MMD2: variants seen among roughly 807,000 people sequenced by gnomAD.
The protein encoded by MMD2 is monocyte to macrophage differentiation associated 2.
MMD2 carries 30 observed loss-of-function variants against 33.5 expected under a neutral mutation model. That is an observed-to-expected ratio of 0.90 (90% confidence interval 0.67 to 1.22). The LOEUF (loss-of-function observed/expected upper bound fraction) is 1.22. MMD2 is among the 50% of genes most tolerant of loss of function. The pLI, the probability that MMD2 is intolerant of heterozygous loss-of-function variation, is 0.00. For synonymous variants in MMD2, 129 were observed against 123.0 expected, an observed-to-expected ratio of 1.05 and a Z score of -0.32; for missense variants, 364 against 325.4, an observed-to-expected ratio of 1.12 and a Z score of -0.91.
At position 4,952,100 on chromosome 7, in the gene MMD2, G is replaced by C. The variant is rs564694024; in HGVS notation, c.47+6871C>G. ...AGCTGTGGGTAGTGGACAAGCCAGG[G>C]ACGCCCACCACACGCCAGACCATGC... On this transcript the variant is annotated intron_variant, in intron 1 of 6. Coordinates refer to ENST00000401401, the MANE Select transcript of MMD2 (RefSeq NM_198403.4). Among the ~76,000 whole-genome samples, 6 of 152,340 alleles carry C rather than the reference G, an allele frequency of 3.9e-5. No homozygotes were observed. In the South Asian group the frequency reaches 1.2e-3, roughly 32 times the overall value.
At chr7:4,941,163 A>T (rs1478560509) in intron 1 of MMD2, among the ~76,000 whole-genome samples, 1 of 152,104 alleles carries the variant, frequency 6.6e-6, no homozygotes, top group Non-Finnish European at 1.5e-5. Flanking sequence ...CATGCCACAG[A>T]CACCAGCCCT....
At chr7:4,931,008 G>T (rs963975874) in intron 1 of MMD2, among the ~76,000 whole-genome samples, 2 of 151,978 alleles carry the variant, frequency 1.3e-5, no homozygotes, top group Non-Finnish European at 2.9e-5. Context: ...CCGCCACCAG[G>T]CCTGGCTATT....
At position 4,946,661 on chromosome 7, in the gene MMD2, G is replaced by A. The variant is rs372900332; in HGVS notation, c.47+12310C>T. Reference sequence around the variant, plus strand: ...CCCTCATGGATCAACCTAGCACCACGGGTGGCAGGTCTACCAGATATCTCC... The same window carrying A: ...CCCTCATGGATCAACCTAGCACCACAGGTGGCAGGTCTACCAGATATCTCC... On this transcript the variant is annotated intron_variant, in intron 1 of 6. Coordinates refer to ENST00000401401, the MANE Select transcript of MMD2 (RefSeq NM_198403.4). This position sits in a 1 kb window ranked among gnomAD's most constrained non-coding sequence, Gnocchi z 5.0. Among the ~76,000 whole-genome samples, 1 of 152,098 alleles carries A rather than the reference G, an allele frequency of 6.6e-6. No individual in the cohort carries two copies. The highest frequency in any genetic ancestry group is 1.5e-5 in the Non-Finnish European group (1 of 68,018).
At chr7:4,936,680 A>C (rs760837297) in intron 1 of MMD2, among the ~76,000 whole-genome samples, 3 of 152,178 alleles carry the variant, frequency 2.0e-5, no homozygotes, top group Admixed American at 6.6e-5. Context: ...GGCATGAGCC[A>C]TCACAACCAG....
intron 1 of MMD2, among the ~76,000 whole-genome samples, chr7:4,948,131 C>T (rs945928908): frequency 3.9e-5 from 6 of 152,170 alleles, no homozygotes; most frequent in African/African-American, 7.2e-5. Context: ...CATCCAACAT[C>T]GGGGATTACA....
intron 2 of MMD2, among the ~76,000 whole-genome samples, chr7:4,923,864 T>C (rs1307149314): frequency 6.6e-6 from 1 of 152,026 alleles, no homozygotes; most frequent in Non-Finnish European, 1.5e-5. Flanking sequence ...TAGAACCCAG[T>C]GTGGGCTGGG....
At chr7:4,908,634 T>A (rs968065524) in intron 6 of MMD2, among the ~76,000 whole-genome samples, 3 of 151,512 alleles carry the variant, frequency 2.0e-5, no homozygotes, top group Non-Finnish European at 1.5e-5. Flanking sequence ...GCACGGTGGC[T>A]CACGCCTATA....
intron 1 of MMD2, among the ~76,000 whole-genome samples, chr7:4,945,330 G>A (rs1399581806): frequency 1.4e-5 from 2 of 147,642 alleles, no homozygotes; most frequent in Admixed American, 6.8e-5. Flanking sequence ...GTGCAGTGGC[G>A]TGATCTCGGC....
At chr7:4,911,351 C>T (rs1785003278) in intron 4 of MMD2, 105 bp from the exon 5 acceptor site, 1 of 833,258 alleles carries the variant, frequency 1.2e-6, no homozygotes, top group South Asian at 1.6e-5. Flanking sequence ...GAAGTCCTGT[C>T]ACCTGTGACT....
intron 1 of MMD2, among the ~76,000 whole-genome samples, chr7:4,937,998 C>CTTTT (rs1785791916): frequency 3.2e-5 from 2 of 62,730 alleles, no homozygotes; most frequent in African/African-American, 5.7e-5. Context: ...TTTTTTCTTT[C>CTTTT]TTTCTTTTTT....
chr7:4,892,597 A>AATAC, the MMD2 span, among the ~76,000 whole-genome samples: 4 of 146,628 alleles, frequency 2.7e-5, no homozygotes, highest in South Asian at 8.6e-4. Flanking sequence ...TAAATAAATA[A>AATAC]ATAAATAAAT....
chr7:4,953,951 C>T (rs1299240318), intron 1 of MMD2, among the ~76,000 whole-genome samples: 1 of 152,078 alleles, frequency 6.6e-6, no homozygotes, highest in Non-Finnish European at 1.5e-5. Context: ...CTTGAACTCC[C>T]AGGCTCAAGG....
chr7:4,897,227 TAA>T, the MMD2 span, among the ~76,000 whole-genome samples: 21 of 117,122 alleles, frequency 1.8e-4, no homozygotes, highest in Non-Finnish European at 2.1e-4. Flanking sequence ...GTGTTATATT[TAA>T]AAAAAAAAAA....
intron 3 of MMD2, among the ~76,000 whole-genome samples, chr7:4,919,666 A>T (rs932088568): frequency 9.2e-5 from 14 of 152,148 alleles, no homozygotes; most frequent in Non-Finnish European, 1.5e-4. Context: ...TGGGTGGACC[A>T]TCTGAGGTCA....
At chr7:4,945,692 A>G (rs1311841350) in intron 1 of MMD2, among the ~76,000 whole-genome samples, 1 of 152,126 alleles carries the variant, frequency 6.6e-6, no homozygotes, top group Non-Finnish European at 1.5e-5. Flanking sequence ...CTCCTGCCTC[A>G]GCCTCCTAAG....
intron 3 of MMD2, among the ~76,000 whole-genome samples, chr7:4,919,731 C>CA (rs1228562428): frequency 4.0e-5 from 6 of 151,862 alleles, no homozygotes; most frequent in African/African-American, 1.2e-4. Flanking sequence ...ACCCACCCCC[C>CA]AAAAAAATAC....
intron 2 of MMD2, among the ~76,000 whole-genome samples, chr7:4,920,699 TC>T (rs1785259565): frequency 1.4e-5 from 1 of 73,536 alleles, no homozygotes; most frequent in African/African-American, 5.2e-5. Context: ...CCTCCCTCCC[TC>T]CCTCCCTCCC....
chr7:4,919,222 C>G (rs1785214204), intron 3 of MMD2, among the ~76,000 whole-genome samples: 2 of 152,282 alleles, frequency 1.3e-5, no homozygotes, highest in African/African-American at 4.8e-5. Flanking sequence ...GGGAGCTGGC[C>G]CGTCGTGACC....
rs181074655 is a variant in MMD2 at position 4,907,723 on chromosome 7, G to A, written c.538-124C>T. The A allele has an allele frequency of 1.1e-5, 9 of 818,938 alleles. No individual in the cohort carries two copies. The East Asian group carries it at 2.3e-4, about 21-fold the overall frequency. The allele number at this position is 818,938 out of a possible 1,614,324, so 50.7% of individuals were successfully genotyped here. ...GATGGCAAACCAGCCCAGACTCCCA[G>A]GTGGGAAGCCTCAACACTGACATAC... is the stretch of plus-strand genomic sequence containing the variant. On this transcript the variant is annotated intron_variant, in intron 6 of 6. Coordinates refer to ENST00000401401, the MANE Select transcript of MMD2 (RefSeq NM_198403.4).
Sources: allele counts gnomAD v4.1 joint callset (sites outside exome capture counted in the v4.1 genomes callset), GRCh38; gene constraint gnomAD v4.1.1; non-coding constraint Gnocchi (gnomAD v3.1); transcripts MANE v1.5; gene names NCBI Gene and HGNC (gene_info 2026-07-23, HGNC 2026-07-21).